The following CDKAL1 variants were observed in gnomAD, a reference collection of about 807,000 sequenced individuals.
The protein encoded by CDKAL1 is CDKAL1 threonylcarbamoyladenosine tRNA methylthiotransferase.
In CDKAL1, 32 loss-of-function variants were observed where a neutral mutation model predicts 68.2. The observed-to-expected ratio is 0.47, with a 90% CI of 0.35 to 0.63. The LOEUF is 0.63. Ranked by LOEUF, CDKAL1 falls within the 30% of genes least tolerant of loss-of-function variation. The pLI, the probability that CDKAL1 is intolerant of heterozygous loss-of-function variation, is 0.00. For missense variants in CDKAL1, 606 were observed against 696.7 expected, an observed-to-expected ratio of 0.87 and a Z score of 1.47; for synonymous variants, 234 against 244.3, an observed-to-expected ratio of 0.96 and a Z score of 0.39.
intron 11 of CDKAL1, among the ~76,000 whole-genome samples, chr6:21,056,556 C>G (rs1392794457): frequency 6.6e-6 from 1 of 152,148 alleles, no homozygotes; most frequent in Non-Finnish European, 1.5e-5. Flanking sequence ...ACTTCCAATA[C>G]TATGTTGAAC....
intron 9 of CDKAL1, among the ~76,000 whole-genome samples, chr6:20,892,576 A>G (rs1299002610): frequency 6.6e-6 from 1 of 152,136 alleles, no homozygotes; most frequent in Non-Finnish European, 1.5e-5. Context: ...ACCGTATTGT[A>G]TATTTATATA....
chr6:20,895,589 C>A (rs1011581908), intron 9 of CDKAL1, among the ~76,000 whole-genome samples: 1 of 152,134 alleles, frequency 6.6e-6, no homozygotes. Flanking sequence ...CAGATGCATT[C>A]ATTCAGTATG....
chr6:20,733,522 AG>A (rs1252827745), intron 5 of CDKAL1, among the ~76,000 whole-genome samples: 2 of 152,222 alleles, frequency 1.3e-5, no homozygotes, highest in Non-Finnish European at 2.9e-5. Flanking sequence ...TGCATTCTAG[AG>A]AATGAAGAGG....
intron 7 of CDKAL1, among the ~76,000 whole-genome samples, chr6:20,764,449 TGGTG>T (rs1475351664): frequency 2.6e-5 from 4 of 152,214 alleles, no homozygotes; most frequent in Non-Finnish European, 4.4e-5. Flanking sequence ...TCTCAGTAAT[TGGTG>T]CCATCTTGCA....
At chr6:20,692,484 T>A (rs551887722) in intron 5 of CDKAL1, among the ~76,000 whole-genome samples, 1 of 152,344 alleles carries the variant, frequency 6.6e-6, no homozygotes, top group African/African-American at 2.4e-5. Context: ...AAAACCATTC[T>A]GGGCTTTGAT....
intron 11 of CDKAL1, among the ~76,000 whole-genome samples, chr6:21,037,793 A>C (rs1319246621): frequency 6.6e-6 from 1 of 150,774 alleles, no homozygotes; most frequent in Non-Finnish European, 1.5e-5. Context: ...TTTGCCACTA[A>C]AGATTATGCG....
chr6:20,976,270 CA>C (rs1293653124), intron 10 of CDKAL1, among the ~76,000 whole-genome samples: 1 of 152,096 alleles, frequency 6.6e-6, no homozygotes, highest in Non-Finnish European at 1.5e-5. Flanking sequence ...GTAGAATTCT[CA>C]TTTTGAAGAC....
At chr6:21,084,729 G>A (rs759496235) in intron 12 of CDKAL1, among the ~76,000 whole-genome samples, 2 of 152,140 alleles carry the variant, frequency 1.3e-5, no homozygotes, top group African/African-American at 2.4e-5. Flanking sequence ...ATAAAGAGGT[G>A]GAAGAAAATT....
At chr6:20,731,942 G>C (rs926589935) in intron 5 of CDKAL1, among the ~76,000 whole-genome samples, 1 of 152,132 alleles carries the variant, frequency 6.6e-6, no homozygotes. Flanking sequence ...TTACCTTGCT[G>C]CCAGGACATC....
chr6:20,562,572 C>T (rs902446500), intron 4 of CDKAL1, among the ~76,000 whole-genome samples: 3 of 151,918 alleles, frequency 2.0e-5, no homozygotes, highest in African/African-American at 7.3e-5. Flanking sequence ...AACCTCGTCC[C>T]TACTGAAAAT....
At chr6:20,560,307 G>C (rs1336525205) in intron 4 of CDKAL1, among the ~76,000 whole-genome samples, 1 of 152,098 alleles carries the variant, frequency 6.6e-6, no homozygotes, top group African/African-American at 2.4e-5. Context: ...GACCCTTTCA[G>C]AGGCAGTATG....
intron 8 of CDKAL1, among the ~76,000 whole-genome samples, chr6:20,807,903 A>C (rs1269347668): frequency 6.6e-6 from 1 of 152,216 alleles, no homozygotes; most frequent in Admixed American, 6.5e-5. Flanking sequence ...AAATCCATTT[A>C]AGGGGTGCAG....
intron 9 of CDKAL1, among the ~76,000 whole-genome samples, chr6:20,952,819 T>A (rs1764599329): frequency 6.6e-6 from 1 of 152,242 alleles, no homozygotes; most frequent in Non-Finnish European, 1.5e-5. Flanking sequence ...ATCAGGAGAC[T>A]TTCCAGGGAA....
chr6:21,207,428 A>G (rs1778982728), intron 15 of CDKAL1, among the ~76,000 whole-genome samples: 1 of 152,038 alleles, frequency 6.6e-6, no homozygotes, highest in African/African-American at 2.4e-5. Context: ...TGGGAGGCCG[A>G]GGTGGGAGGA....
At chr6:20,827,608 A>T (rs553866434) in intron 8 of CDKAL1, among the ~76,000 whole-genome samples, 2 of 151,036 alleles carry the variant, frequency 1.3e-5, no homozygotes, top group East Asian at 1.9e-4. Context: ...TTTTAGACAT[A>T]AAAAAAAAGG....
intron 9 of CDKAL1, among the ~76,000 whole-genome samples, chr6:20,916,261 G>A (rs1313574057): frequency 6.6e-6 from 1 of 152,144 alleles, no homozygotes; most frequent in Non-Finnish European, 1.5e-5. Context: ...TTTTGTTCTT[G>A]ATAATTGATA....
At chr6:21,002,984 T>C (rs954551562) in intron 11 of CDKAL1, among the ~76,000 whole-genome samples, 5 of 150,334 alleles carry the variant, frequency 3.3e-5, no homozygotes, top group Non-Finnish European at 5.9e-5. Context: ...GTGAGACCTA[T>C]CTCAAAAAAT....
chr6:20,817,374 A>T (rs531150483), intron 8 of CDKAL1, among the ~76,000 whole-genome samples: 3 of 152,160 alleles, frequency 2.0e-5, no homozygotes, highest in Admixed American at 6.6e-5. Flanking sequence ...TGTTTACATT[A>T]TTAATACACT....
intron 11 of CDKAL1, among the ~76,000 whole-genome samples, chr6:21,029,214 A>AT (rs896665909): frequency 6.6e-6 from 1 of 152,010 alleles, no homozygotes; most frequent in Non-Finnish European, 1.5e-5. Flanking sequence ...CATCTGGCTA[A>AT]TTTTTTATTT....
Sources: allele counts gnomAD v4.1 joint callset (sites outside exome capture counted in the v4.1 genomes callset), GRCh38; gene constraint gnomAD v4.1.1; transcripts MANE v1.5; gene names NCBI Gene and HGNC (gene_info 2026-07-23, HGNC 2026-07-21).